MACROD2: variants seen among roughly 807,000 people sequenced by gnomAD.
MACROD2 encodes ADP-ribose glycohydrolase MACROD2.
Under a neutral mutation model 70.4 loss-of-function variants are expected in MACROD2, and 36 were observed. That is an observed-to-expected ratio of 0.51 (90% CI 0.39 to 0.68). MACROD2 has a LOEUF of 0.68. Ranked by LOEUF, MACROD2 falls within the 30% of genes least tolerant of loss-of-function variation. The pLI is 0.00. For missense variants in MACROD2, 496 were observed against 538.4 expected (o/e 0.92, Z 0.78); for synonymous variants, 172 against 178.8 (o/e 0.96, Z 0.30).
chr20:15,680,029 T>C (rs1377235196), intron 8 of MACROD2, among the ~76,000 whole-genome samples: 1 of 152,206 alleles, frequency 6.6e-6, no homozygotes, highest in Non-Finnish European at 1.5e-5. Context: ...AGGGAAGCCC[T>C]GCCCCTGAAG....
At position 15,287,851 on chromosome 20, in the gene MACROD2, C is replaced by T. The variant is rs182270962; in HGVS notation, c.540+57790C>T. ...ATGATTAAGGAGCTATTGGCATTTGCCATTTTACACTACTAATCTTCCATC... is the reference window on the plus strand; with the variant it reads ...ATGATTAAGGAGCTATTGGCATTTGTCATTTTACACTACTAATCTTCCATC... On this transcript the variant is annotated intron_variant, in intron 6 of 17. Transcript: ENST00000684519. Among the ~76,000 whole-genome samples the T allele has an allele frequency of 1.8e-3, 269 of 152,252 alleles. 2 individuals carry two copies. The highest frequency in any genetic ancestry group is 6.1e-3 in the African/African-American group (253 of 41,552).
intron 6 of MACROD2, among the ~76,000 whole-genome samples, chr20:15,425,812 G>A (rs1350118315): frequency 6.6e-6 from 1 of 152,206 alleles, no homozygotes; most frequent in Non-Finnish European, 1.5e-5. Flanking sequence ...ATGAGCAAGA[G>A]AGAAAGAAAT....
intron 6 of MACROD2, among the ~76,000 whole-genome samples, chr20:15,305,496 T>C (rs2077688991): frequency 6.6e-6 from 1 of 152,150 alleles, no homozygotes; most frequent in African/African-American, 2.4e-5. Flanking sequence ...CTGGGGTTTT[T>C]TTAGTTCACT....
chr20:15,344,352 G>T (rs1283076861), intron 6 of MACROD2, among the ~76,000 whole-genome samples: 1 of 152,142 alleles, frequency 6.6e-6, no homozygotes, highest in East Asian at 1.9e-4. Context: ...ATGGAGAAGG[G>T]AGAAGGCATG....
At chr20:14,780,007 T>C (rs2072279778) in intron 5 of MACROD2, among the ~76,000 whole-genome samples, 1 of 152,052 alleles carries the variant, frequency 6.6e-6, no homozygotes, top group Non-Finnish European at 1.5e-5. Flanking sequence ...CTGTCCTCTT[T>C]TTACAGATGA....
At chr20:14,132,393 A>G (rs985071878) in intron 3 of MACROD2, among the ~76,000 whole-genome samples, 15 of 152,268 alleles carry the variant, frequency 9.9e-5, no homozygotes, top group Non-Finnish European at 1.5e-4. Context: ...AAATGCTGAA[A>G]TGTATGTAGC....
At position 15,856,458 on chromosome 20, in the gene MACROD2, G is replaced by C. The variant is rs113646616; in HGVS notation, c.646-6287G>C. On this transcript the variant is annotated intron_variant, in intron 8 of 17. Coordinates refer to ENST00000684519, the MANE Select transcript of MACROD2 (RefSeq NM_001351661.2). ...ACCATCTAGGTTTCTCTGTATTTCTGTTCTCAGCTCTTCTGGCAAACTTAA... is the reference window on the plus strand; with the variant it reads ...ACCATCTAGGTTTCTCTGTATTTCTCTTCTCAGCTCTTCTGGCAAACTTAA... Among the ~76,000 whole-genome samples the C allele has an allele frequency of 3.1e-3, 477 of 152,238 alleles. 4 individuals are homozygous for C. Among genetic ancestry groups the C allele is most frequent in the African/African-American group, 0.011 (458 of 41,546 alleles).
rs567315607 is a variant in MACROD2 at position 15,209,280 on chromosome 20, C to T, written c.419-20660C>T. 1.8e-4 allele frequency among the ~76,000 whole-genome samples: 27 copies of T among 152,118 alleles called. No individual in the cohort carries two copies. In the South Asian group the frequency reaches 4.8e-3, roughly 27 times the overall value. ...CTATGGGCTGCCTTCTTCTGTTCAC[C>T]TTTCAGAGTCTTCTTATATTTGTTT... On this transcript the variant is annotated intron_variant, in intron 5 of 17. Coordinates refer to ENST00000684519, the MANE Select transcript of MACROD2 (RefSeq NM_001351661.2).
chr20:15,807,842 T>A (rs958760241), intron 8 of MACROD2, among the ~76,000 whole-genome samples: 1 of 152,138 alleles, frequency 6.6e-6, no homozygotes, highest in African/African-American at 2.4e-5. Flanking sequence ...CCTTATATTG[T>A]CTTATGCCCA....
intron 13 of MACROD2, among the ~76,000 whole-genome samples, chr20:15,981,974 C>CT (rs931843362): frequency 2.5e-4 from 37 of 146,508 alleles, no homozygotes; most frequent in East Asian, 3.9e-4. Flanking sequence ...GACAGACATA[C>CT]TTTTTTTTTT....
intron 5 of MACROD2, among the ~76,000 whole-genome samples, chr20:14,775,513 C>T (rs144093847): frequency 1.1e-3 from 169 of 151,990 alleles, no homozygotes; most frequent in Non-Finnish European, 1.8e-3. Flanking sequence ...CCAATTCCCA[C>T]GTGAACTAGC....
At chr20:14,793,312 A>T (rs1256433623) in intron 5 of MACROD2, among the ~76,000 whole-genome samples, 2 of 152,118 alleles carry the variant, frequency 1.3e-5, no homozygotes, top group African/African-American at 4.8e-5. Flanking sequence ...GCATCATGGT[A>T]GTATCAATAA....
chr20:14,923,961 G>A (rs181576782), intron 5 of MACROD2, among the ~76,000 whole-genome samples: 11 of 152,234 alleles, frequency 7.2e-5, no homozygotes, highest in African/African-American at 2.2e-4. Flanking sequence ...TTCCGTTTAC[G>A]AGCAAACCTT....
chr20:15,383,937 T>C (rs1321915918), intron 6 of MACROD2, among the ~76,000 whole-genome samples: 3 of 152,192 alleles, frequency 2.0e-5, no homozygotes, highest in African/African-American at 7.2e-5. Flanking sequence ...CAGGGAGCAA[T>C]TCAGCTATTT....
intron 8 of MACROD2, among the ~76,000 whole-genome samples, chr20:15,534,829 G>C (rs2047851901): frequency 6.6e-6 from 1 of 152,070 alleles, no homozygotes; most frequent in East Asian, 1.9e-4. Flanking sequence ...TAGGCTTTAA[G>C]CATCTTGCCA....
intron 4 of MACROD2, among the ~76,000 whole-genome samples, chr20:14,619,642 T>A (rs900218975): frequency 8.6e-5 from 13 of 151,994 alleles, no homozygotes; most frequent in Non-Finnish European, 1.8e-4. Context: ...TGTCACCCAT[T>A]TGTATTCCCT....
chr20:15,350,188 A>G (rs998671862), intron 6 of MACROD2, among the ~76,000 whole-genome samples: 1 of 152,144 alleles, frequency 6.6e-6, no homozygotes, highest in Non-Finnish European at 1.5e-5. Context: ...TGCTTTTGGC[A>G]TTTGTTTTTT....
intron 6 of MACROD2, among the ~76,000 whole-genome samples, chr20:15,267,118 C>G (rs958917167): frequency 6.6e-6 from 1 of 152,170 alleles, no homozygotes; most frequent in African/African-American, 2.4e-5. Context: ...AAAACCTCTA[C>G]GTCCTTCACG....
At chr20:14,234,423 A>G (rs557908272) in intron 3 of MACROD2, among the ~76,000 whole-genome samples, 3 of 152,058 alleles carry the variant, frequency 2.0e-5, no homozygotes, top group Non-Finnish European at 4.4e-5. Context: ...GGTGTACCTT[A>G]GTTATTCTTA....
Sources: allele counts gnomAD v4.1 joint callset (sites outside exome capture counted in the v4.1 genomes callset), GRCh38; gene constraint gnomAD v4.1.1; transcripts MANE v1.5; gene names NCBI Gene and HGNC (gene_info 2026-07-23, HGNC 2026-07-21).